The following PPARGC1A variants were observed in gnomAD, a reference collection of about 807,000 sequenced individuals.
PPARGC1A encodes PPARG coactivator 1 alpha, also known as peroxisome proliferator-activated receptor gamma coactivator 1-alpha.
PPARGC1A carries 25 observed loss-of-function variants against 88.7 expected under a neutral mutation model. The observed-to-expected ratio is 0.28, with a 90% confidence interval of 0.21 to 0.39. The LOEUF (loss-of-function observed/expected upper bound fraction) is 0.39, where lower values mean the gene tolerates loss of function less well. PPARGC1A is among the 10% of genes least tolerant of loss of function. The pLI is 1.00. For synonymous variants in PPARGC1A, 363 were observed against 355.6 expected (o/e 1.02, Z -0.24); for missense variants, 880 against 968.7 (o/e 0.91, Z 1.22).
the PPARGC1A span, among the ~76,000 whole-genome samples, chr4:24,215,531 T>A: frequency 6.6e-6 from 1 of 152,208 alleles, no homozygotes; most frequent in Non-Finnish European, 1.5e-5. Context: ...TGAGTTTACT[T>A]TTTTAATCAA....
the PPARGC1A span, among the ~76,000 whole-genome samples, chr4:24,182,908 G>T: frequency 5.3e-5 from 8 of 152,106 alleles, no homozygotes; most frequent in Non-Finnish European, 1.5e-5. Flanking sequence ...GCTGTCCTGC[G>T]TGCCAGGAAT....
chr4:24,285,209 C>A, the PPARGC1A span, among the ~76,000 whole-genome samples: 1 of 152,190 alleles, frequency 6.6e-6, no homozygotes, highest in African/African-American at 2.4e-5. Flanking sequence ...TGTTTCCCTG[C>A]TGATGTCTTA....
At chr4:24,027,782 G>T in the PPARGC1A span, among the ~76,000 whole-genome samples, 87,179 of 151,970 alleles carry the variant, frequency 0.57, 25,422 homozygotes, top group African/African-American at 0.63. Context: ...TATCATTAAG[G>T]TGCATTGTTT....
intron 10 of PPARGC1A, among the ~76,000 whole-genome samples, chr4:23,808,412 T>G (rs529885947): frequency 1.3e-5 from 2 of 152,164 alleles, no homozygotes; most frequent in East Asian, 3.9e-4. Flanking sequence ...GCACATCTAG[T>G]TTTGGTTTTG....
chr4:24,456,766 C>A, the PPARGC1A span, among the ~76,000 whole-genome samples: 96 of 151,810 alleles, frequency 6.3e-4, no homozygotes, highest in Non-Finnish European at 1.2e-3. Flanking sequence ...GGGGAGCAAG[C>A]AGAGAGGCTA....
chr4:23,921,736 G>A, the PPARGC1A span, among the ~76,000 whole-genome samples: 1 of 152,222 alleles, frequency 6.6e-6, no homozygotes, highest in Non-Finnish European at 1.5e-5. Context: ...ATACTTCGTG[G>A]ATTAGTTGGG....
chr4:24,444,396 T>G, the PPARGC1A span, among the ~76,000 whole-genome samples: 1 of 152,086 alleles, frequency 6.6e-6, no homozygotes, highest in African/African-American at 2.4e-5. Flanking sequence ...AACTTTGTTT[T>G]TAAGTGGTTC....
At chr4:23,953,273 C>T in the PPARGC1A span, among the ~76,000 whole-genome samples, 17 of 152,008 alleles carry the variant, frequency 1.1e-4, no homozygotes, top group Non-Finnish European at 1.9e-4. Flanking sequence ...GATTTTTAGT[C>T]GGTGTAATTG....
At chr4:23,849,495 G>A (rs1007499787) in intron 2 of PPARGC1A, among the ~76,000 whole-genome samples, 1 of 151,964 alleles carries the variant, frequency 6.6e-6, no homozygotes. Context: ...GCTGAACTAG[G>A]ACAAAACTGT....
the PPARGC1A span, among the ~76,000 whole-genome samples, chr4:24,418,504 A>T: frequency 1.3e-5 from 2 of 152,130 alleles, no homozygotes; most frequent in African/African-American, 4.8e-5. Context: ...TTTATGTTCC[A>T]TTATCAAGTC....
upstream of PPARGC1A, among the ~76,000 whole-genome samples, chr4:23,891,685 G>A (rs978297364): frequency 6.6e-6 from 1 of 152,124 alleles, no homozygotes; most frequent in Admixed American, 6.5e-5. Context: ...TAAAAAGGTG[G>A]CCAAGAGCTT....
the PPARGC1A span, among the ~76,000 whole-genome samples, chr4:23,965,720 T>C: frequency 6.6e-6 from 1 of 152,172 alleles, no homozygotes; most frequent in Non-Finnish European, 1.5e-5. Flanking sequence ...GGCCTTGCTA[T>C]GGGCCCTTCC....
the PPARGC1A span, among the ~76,000 whole-genome samples, chr4:23,981,126 CAT>C: frequency 6.6e-6 from 1 of 151,998 alleles, no homozygotes; most frequent in African/African-American, 2.4e-5. Context: ...CACTTCTACA[CAT>C]ATCTCTTTTG....
At chr4:24,320,297 C>G in the PPARGC1A span, among the ~76,000 whole-genome samples, 4 of 152,252 alleles carry the variant, frequency 2.6e-5, 1 homozygote, top group South Asian at 8.3e-4. Context: ...AAGTTTGTAT[C>G]TCCTTTTTTA....
chr4:24,262,628 T>C, the PPARGC1A span, among the ~76,000 whole-genome samples: 52 of 152,322 alleles, frequency 3.4e-4, no homozygotes, highest in Middle Eastern at 3.4e-3. Flanking sequence ...CCTTTGGCTA[T>C]CTGATGAAAT....
chr4:24,135,934 G>T, the PPARGC1A span, among the ~76,000 whole-genome samples: 1 of 152,214 alleles, frequency 6.6e-6, no homozygotes, highest in Non-Finnish European at 1.5e-5. Context: ...AAACTTACCT[G>T]GCCCTGCCAA....
chr4:24,242,303 G>A, the PPARGC1A span, among the ~76,000 whole-genome samples: 1 of 152,160 alleles, frequency 6.6e-6, no homozygotes, highest in African/African-American at 2.4e-5. Flanking sequence ...AGGCCAGCTG[G>A]CTACAGCCTC....
the PPARGC1A span, among the ~76,000 whole-genome samples, chr4:24,032,886 T>C: frequency 6.6e-6 from 1 of 152,218 alleles, no homozygotes; most frequent in East Asian, 1.9e-4. Flanking sequence ...GAACAGCTGC[T>C]CTAAGTCGCA....
the PPARGC1A span, among the ~76,000 whole-genome samples, chr4:24,264,927 T>C: frequency 6.6e-6 from 1 of 152,160 alleles, no homozygotes; most frequent in Non-Finnish European, 1.5e-5. Context: ...AACAAAGAAG[T>C]GAGGTAGCAC....
Sources: gnomAD v4.1 joint callset for allele counts (sites outside exome capture counted in the v4.1 genomes callset) on GRCh38, gnomAD v4.1.1 for gene constraint, MANE v1.5 for transcripts, NCBI Gene and HGNC (gene_info 2026-07-23, HGNC 2026-07-21) for gene names.